Variants in TNFRSF10A observed in about 807,000 individuals in gnomAD.
TNFRSF10A encodes the protein TNF receptor superfamily member 10a.
In TNFRSF10A, 44 loss-of-function variants were observed where a neutral mutation model predicts 42.8. That is an observed-to-expected ratio of 1.03 (90% CI 0.81 to 1.32). The LOEUF (loss-of-function observed/expected upper bound fraction) is 1.32, where lower values mean the gene tolerates loss of function less well. Among genes scored for constraint, TNFRSF10A ranks in the 40% most tolerant of loss-of-function variants. The pLI is 0.00. For synonymous variants in TNFRSF10A, 259 were observed against 234.2 expected (o/e 1.11, Z -0.97); for missense variants, 680 against 602.0 (o/e 1.13, Z -1.36).
intron 2 of TNFRSF10A, chr8:23,207,277 C>G (rs537500657): frequency 1.8e-5 from 11 of 598,108 alleles, no homozygotes; most frequent in Non-Finnish European, 3.2e-5. Flanking sequence ...GTTCAACACC[C>G]TGATTAGGCC....
intron 2 of TNFRSF10A, among the ~76,000 whole-genome samples, chr8:23,211,416 C>A (rs1025849840): frequency 6.6e-6 from 1 of 151,936 alleles, no homozygotes; most frequent in African/African-American, 2.4e-5. Flanking sequence ...TTAAATAAAT[C>A]AAAAAAACTC....
At chr8:23,223,583 T>C (rs1356348457) in intron 1 of TNFRSF10A, among the ~76,000 whole-genome samples, 3 of 152,234 alleles carry the variant, frequency 2.0e-5, no homozygotes, top group Admixed American at 6.5e-5. Context: ...CTGTAATTAT[T>C]TGGAGATTTC....
chr8:23,208,540 C>A (rs1399646903), intron 2 of TNFRSF10A, among the ~76,000 whole-genome samples: 2 of 152,074 alleles, frequency 1.3e-5, no homozygotes, highest in Admixed American at 1.3e-4. Context: ...CACTGCAAGT[C>A]CGCCTCCTGG....
In TNFRSF10A at chr8:23,224,745, T is replaced by TG. The variant is rs1801311033; in HGVS notation, c.306+10dup. On this transcript the variant is annotated intron_variant, in intron 1 of 9. Coordinates refer to ENST00000221132, the MANE Select transcript of TNFRSF10A (RefSeq NM_003844.4). ...CGCTTTTCCCCAGGCAGGACCGCGG[T>TG]GGGGACTCACCTGCAGCAGGACCCC... The TG allele has an allele frequency of 1.3e-6, 2 of 1,558,862 alleles. No homozygotes were observed. Among genetic ancestry groups the TG allele is most frequent in the Middle Eastern group, 1.8e-4 (1 of 5,434 alleles).
chr8:23,221,461 C>T (rs937949602), intron 1 of TNFRSF10A, among the ~76,000 whole-genome samples: 12 of 152,176 alleles, frequency 7.9e-5, no homozygotes, highest in Admixed American at 4.6e-4. Context: ...AGAGACGAGA[C>T]GAGGTGGAAG....
chr8:23,198,753 A>ACATGCATGTGTGTG (rs1323457952), intron 8 of TNFRSF10A, among the ~76,000 whole-genome samples: 14 of 152,054 alleles, frequency 9.2e-5, no homozygotes. Flanking sequence ...GCATGTGTGT[A>ACATGCATGTGTGTG]CATGCATGTG....
chr8:23,194,772 T>C (rs1214031005), intron 9 of TNFRSF10A, among the ~76,000 whole-genome samples: 3 of 152,198 alleles, frequency 2.0e-5, no homozygotes, highest in Non-Finnish European at 4.4e-5. Flanking sequence ...TGAGTAAATG[T>C]AAATGGGATG....
chr8:23,196,996 G>T, intron 9 of TNFRSF10A, 136 bp downstream of exon 9: 1 of 1,125,500 alleles, frequency 8.9e-7, no homozygotes, highest in Non-Finnish European at 1.3e-6. Context: ...TTAGGGTCTT[G>T]ATGGTCTATA....
chr8:23,212,659 A>T (rs550435483), intron 1 of TNFRSF10A, among the ~76,000 whole-genome samples: 37 of 152,370 alleles, frequency 2.4e-4, no homozygotes, highest in Non-Finnish European at 4.3e-4. Context: ...TAAAGCTGCT[A>T]TGAACACGGG....
chr8:23,210,069 G>T (rs562883470), intron 2 of TNFRSF10A, among the ~76,000 whole-genome samples: 16 of 152,270 alleles, frequency 1.1e-4, no homozygotes, highest in Non-Finnish European at 1.8e-4. Flanking sequence ...TTATTATAAG[G>T]TGGAGTTTTC....
chr8:23,218,134 G>A (rs532868138), intron 1 of TNFRSF10A, among the ~76,000 whole-genome samples: 22 of 152,228 alleles, frequency 1.4e-4, no homozygotes, highest in African/African-American at 5.1e-4. Flanking sequence ...GGGCTCATGG[G>A]GGTGTGAGGT....
intron 2 of TNFRSF10A, among the ~76,000 whole-genome samples, chr8:23,207,893 G>C (rs1172316815): frequency 7.2e-6 from 1 of 138,482 alleles, no homozygotes. Flanking sequence ...GTCTTCATCA[G>C]CAGCACGAAA....
At chr8:23,224,652 A>G (rs1212697820) in intron 1 of TNFRSF10A, 104 bp downstream of exon 1, 44 of 1,398,192 alleles carry the variant, frequency 3.1e-5, no homozygotes, top group Non-Finnish European at 4.1e-5. Flanking sequence ...ATGCCCCGCC[A>G]CAAGTGACCC....
chr8:23,192,440 G>C (rs1800769497), intron 9 of TNFRSF10A, among the ~76,000 whole-genome samples: 1 of 152,212 alleles, frequency 6.6e-6, no homozygotes, highest in South Asian at 2.1e-4. Context: ...GGAAAGTGCA[G>C]GGTCTGGGGC....
intron 8 of TNFRSF10A, among the ~76,000 whole-genome samples, chr8:23,198,393 T>C (rs1563377850): frequency 6.6e-6 from 1 of 152,172 alleles, no homozygotes; most frequent in Admixed American, 6.5e-5. Context: ...TAAAAGTATC[T>C]ACAGATTTCA....
chr8:23,205,147 A>G (rs1800986416), intron 2 of TNFRSF10A, among the ~76,000 whole-genome samples: 1 of 152,202 alleles, frequency 6.6e-6, no homozygotes, highest in Non-Finnish European at 1.5e-5. Context: ...AGTTCTTTAA[A>G]TAGATCGATA....
chr8:23,203,306 A>T (rs889122503), intron 2 of TNFRSF10A, among the ~76,000 whole-genome samples: 4 of 152,228 alleles, frequency 2.6e-5, no homozygotes, highest in Non-Finnish European at 5.9e-5. Context: ...AGTAGAAGGT[A>T]CAAACAGGCG....
At chr8:23,219,701 C>T (rs923547411) in intron 1 of TNFRSF10A, among the ~76,000 whole-genome samples, 1 of 152,224 alleles carries the variant, frequency 6.6e-6, no homozygotes, top group African/African-American at 2.4e-5. Context: ...GCAGAGGCCC[C>T]ACCCCAGCCG....
Position 23,191,730 on chromosome 8 carries a change from T to G in TNFRSF10A, c.1371A>C (p.Leu457Phe), listed in dbSNP as rs1800756068. 3.1e-6 allele frequency: 5 copies of G among 1,614,188 alleles called. No individual in the cohort carries two copies. The highest frequency in any genetic ancestry group is 1.6e-4 in the Middle Eastern group (1 of 6,062). ...ACACGGCAGAGCCTGTGCCATCTTC[T>G]AAGTAGATGAACTTTCCAGAGTCCA... ...LLVDSGKFIY[L>F]EDGTGSAVSL... Residue 457 changes from leucine to phenylalanine, a missense_variant, in exon 10 of 10, where the codon TTA (leucine) becomes TTC (phenylalanine). Leu to Phe is a conservative substitution (Grantham distance 22). Coordinates refer to ENST00000221132, the MANE Select transcript of TNFRSF10A (RefSeq NM_003844.4).
Sources: allele counts gnomAD v4.1 joint callset (sites outside exome capture counted in the v4.1 genomes callset), GRCh38; gene constraint gnomAD v4.1.1; transcripts MANE v1.5; gene names NCBI Gene and HGNC (gene_info 2026-07-23, HGNC 2026-07-21).